APBB2: variants seen among roughly 807,000 people sequenced by gnomAD.
APBB2 encodes Fe65-like 1.
APBB2 carries 38 observed loss-of-function variants against 82.5 expected under a neutral mutation model. The ratio of observed to expected loss-of-function variants is 0.46; its 90% confidence interval spans 0.36 to 0.60. APBB2 has a LOEUF of 0.60. APBB2 is among the 20% of genes least tolerant of loss of function. The pLI is 0.00. For missense variants in APBB2, 772 were observed against 972.3 expected, an observed-to-expected ratio of 0.79 and a Z score of 2.74; for synonymous variants, 341 against 368.2, an observed-to-expected ratio of 0.93 and a Z score of 0.85.
intron 15 of APBB2, among the ~76,000 whole-genome samples, chr4:40,824,638 C>T (rs537405120): frequency 6.6e-6 from 1 of 152,104 alleles, no homozygotes; most frequent in African/African-American, 2.4e-5. Flanking sequence ...CAGGTACATG[C>T]CACCATGCCC....
intron 12 of APBB2, among the ~76,000 whole-genome samples, chr4:40,830,973 T>A (rs1354259657): frequency 1.3e-5 from 2 of 152,090 alleles, no homozygotes; most frequent in African/African-American, 4.8e-5. Context: ...GTGGCATGTA[T>A]CTGCAGTTCC....
chr4:41,005,052 T>A (rs917720606), intron 6 of APBB2, among the ~76,000 whole-genome samples: 3 of 152,116 alleles, frequency 2.0e-5, no homozygotes, highest in African/African-American at 7.2e-5. Flanking sequence ...GAGTTTGCTA[T>A]CTGAATATTT....
chr4:40,891,310 A>G (rs1328527040), intron 11 of APBB2, among the ~76,000 whole-genome samples: 1 of 152,144 alleles, frequency 6.6e-6, no homozygotes, highest in African/African-American at 2.4e-5. Context: ...CAGAAGCACT[A>G]GACTATTCAA....
At chr4:41,071,713 C>A (rs1344950665) in intron 3 of APBB2, among the ~76,000 whole-genome samples, 1 of 152,020 alleles carries the variant, frequency 6.6e-6, no homozygotes, top group East Asian at 1.9e-4. Flanking sequence ...TAAAAAAAAT[C>A]TCAAAGAATA....
Position 41,046,049 on chromosome 4 carries a change from G to A in APBB2, c.-50-12745C>T, listed in dbSNP as rs147373767. On this transcript the variant is annotated intron_variant, in intron 4 of 17. Coordinates refer to ENST00000508593, the MANE Select transcript of APBB2 (RefSeq NM_004307.2). ...TAAAAAAAGGTTTGTATATGAAGCT[G>A]GGTATATAGATACCATATATCTTTA... Among the ~76,000 whole-genome samples, 673 of 152,180 alleles carry A rather than the reference G, an allele frequency of 4.4e-3. 6 individuals are homozygous for A. Among genetic ancestry groups the A allele is most frequent in the Middle Eastern group, 0.017 (5 of 294 alleles).
intron 6 of APBB2, among the ~76,000 whole-genome samples, chr4:40,970,567 G>T (rs923843170): frequency 6.6e-6 from 1 of 152,014 alleles, no homozygotes; most frequent in Admixed American, 6.6e-5. Context: ...CTTCAGCAAT[G>T]GTCTTGCCAG....
chr4:40,838,224 A>T (rs1445729636), intron 12 of APBB2, among the ~76,000 whole-genome samples: 2 of 149,452 alleles, frequency 1.3e-5, no homozygotes, highest in African/African-American at 4.9e-5. Context: ...GTGCAGTGGC[A>T]TGATCTCGGC....
chr4:41,144,283 CA>C (rs565707537), intron 1 of APBB2, among the ~76,000 whole-genome samples: 21 of 152,218 alleles, frequency 1.4e-4, no homozygotes, highest in Non-Finnish European at 2.2e-4. Flanking sequence ...ACCTCAGTCC[CA>C]AAAATCATCT....
At chr4:41,199,156 T>G (rs1580783690) in intron 1 of APBB2, among the ~76,000 whole-genome samples, 3 of 151,938 alleles carry the variant, frequency 2.0e-5, no homozygotes, top group Admixed American at 6.6e-5. Flanking sequence ...GTTATATTTT[T>G]GGGGGGGACA....
chr4:40,918,823 C>A (rs1362305088), intron 10 of APBB2, among the ~76,000 whole-genome samples: 2 of 150,086 alleles, frequency 1.3e-5, no homozygotes, highest in South Asian at 4.2e-4. Context: ...TATGTTCAGG[C>A]AGGTCTCAAA....
At position 41,159,937 on chromosome 4, in the gene APBB2, G is replaced by GAGA. The variant is rs1194661022; in HGVS notation, c.-416-16796_-416-16795insTCT. On this transcript the variant is annotated intron_variant, in intron 1 of 17. Coordinates refer to ENST00000508593, the MANE Select transcript of APBB2 (RefSeq NM_004307.2). ...GGAGGAGGAGGAGGAGGAGGAGGAG[G>GAGA]AGGAGGAGAAGGAGAAGGAGAAGGA... Among the ~76,000 whole-genome samples the GAGA allele has an allele frequency of 1.1e-3, 33 of 30,644 alleles. 4 individuals carry two copies. The highest frequency in any genetic ancestry group is 3.2e-3 in the African/African-American group (31 of 9,824). The allele number at this position is 30,644 out of a possible 152,430, so 20.1% of individuals were successfully genotyped here. A position where few individuals can be genotyped will look rare whatever the true frequency, so the allele number is the denominator to read the frequency against.
At chr4:41,071,536 C>T (rs1187671624) in intron 3 of APBB2, among the ~76,000 whole-genome samples, 1 of 152,032 alleles carries the variant, frequency 6.6e-6, no homozygotes, top group Non-Finnish European at 1.5e-5. Flanking sequence ...CAAAAATTAG[C>T]CAGGCGTGGT....
At chr4:41,068,103 G>T (rs899523071) in intron 3 of APBB2, among the ~76,000 whole-genome samples, 1 of 152,170 alleles carries the variant, frequency 6.6e-6, no homozygotes, top group African/African-American at 2.4e-5. Context: ...TGTCCATGGG[G>T]GATGCATTCC....
At chr4:41,078,529 G>A (rs1212280013) in intron 3 of APBB2, among the ~76,000 whole-genome samples, 1 of 152,162 alleles carries the variant, frequency 6.6e-6, no homozygotes, top group African/African-American at 2.4e-5. Context: ...TAATCCAATT[G>A]TTAAAATTCA....
intron 1 of APBB2, among the ~76,000 whole-genome samples, chr4:41,144,264 T>C (rs1438820258): frequency 6.6e-6 from 1 of 152,154 alleles, no homozygotes; most frequent in Middle Eastern, 3.2e-3. Context: ...ATCTCTACCT[T>C]CAGTTGAAAC....
chr4:40,982,282 G>GA (rs1798882801), intron 6 of APBB2, among the ~76,000 whole-genome samples: 4 of 26,966 alleles, frequency 1.5e-4, no homozygotes, highest in African/African-American at 6.5e-4. Flanking sequence ...AAGAAAGAAA[G>GA]AAGGAAGGAA....
chr4:40,856,925 G>A, intron 12 of APBB2: 9 of 983,316 alleles, frequency 9.2e-6, no homozygotes, highest in Non-Finnish European at 1.1e-5. Flanking sequence ...GGTCTCCCGC[G>A]CCCGCCTCGC....
At chr4:41,017,657 G>A (rs992443121) in intron 5 of APBB2, among the ~76,000 whole-genome samples, 2 of 152,190 alleles carry the variant, frequency 1.3e-5, no homozygotes, top group African/African-American at 4.8e-5. Flanking sequence ...AACAATAAAT[G>A]TGAGCTCCAC....
At chr4:41,161,419 C>A (rs1453348719) in intron 1 of APBB2, among the ~76,000 whole-genome samples, 1 of 152,026 alleles carries the variant, frequency 6.6e-6, no homozygotes, top group Non-Finnish European at 1.5e-5. Context: ...CTAGCCTGGG[C>A]AAGATGGCGA....
Sources: gnomAD v4.1 joint callset for allele counts (sites outside exome capture counted in the v4.1 genomes callset) on GRCh38, gnomAD v4.1.1 for gene constraint, MANE v1.5 for transcripts, NCBI Gene and HGNC (gene_info 2026-07-23, HGNC 2026-07-21) for gene names.